Variants in PLPPR5 observed in about 807,000 individuals in gnomAD.
PLPPR5 encodes phospholipid phosphatase-related protein type 5.
PLPPR5 carries 16 observed loss-of-function variants against 33.9 expected under a neutral mutation model. That is an observed-to-expected ratio of 0.47 (90% CI 0.32 to 0.72). PLPPR5 has a LOEUF of 0.72. Among genes scored for constraint, PLPPR5 ranks in the 30% least tolerant of loss-of-function variants. The probability of loss-of-function intolerance (pLI) is 0.03; values close to 1 mark genes in which losing one functional copy is unlikely to be tolerated. For missense variants in PLPPR5, 301 were observed against 406.7 expected (o/e 0.74, Z 2.23); for synonymous variants, 163 against 150.3 (o/e 1.08, Z -0.62).
chr1:98,988,034 A>C (rs1652318682), intron 1 of PLPPR5, among the ~76,000 whole-genome samples: 1 of 152,076 alleles, frequency 6.6e-6, no homozygotes, highest in Non-Finnish European at 1.5e-5. Flanking sequence ...AAGTGCAGTA[A>C]GAGTATGTTC....
In PLPPR5 at chr1:99,004,569, T is replaced by C; in HGVS notation, c.103A>G (p.Thr35Ala). The change falls in exon 1 of 6, where the codon ACG (threonine) becomes GCG (alanine). Residue 35 changes from threonine (T) to alanine (A), a missense_variant. Coordinates refer to ENST00000263177, the MANE Select transcript of PLPPR5 (RefSeq NM_001037317.2). ...AAGCCCTGCACGTTCACGGTGAACG[T>C]GTCCGTATACTCGAAGTAGTACGCC... is the stretch of plus-strand genomic sequence containing the variant. The part of the protein sequence containing the change: ...MLAYYFEYTD[T>A]FTVNVQGFFC... 2 of 1,612,930 alleles carry C rather than the reference T, an allele frequency of 1.2e-6. No individual in the cohort carries two copies. Among genetic ancestry groups the C allele is most frequent in the South Asian group, 1.1e-5 (1 of 91,078 alleles).
intron 1 of PLPPR5, among the ~76,000 whole-genome samples, chr1:98,970,347 C>T (rs1477565451): frequency 1.3e-5 from 2 of 151,962 alleles, no homozygotes; most frequent in Non-Finnish European, 2.9e-5. Flanking sequence ...TTACTGCTCA[C>T]ATGTACTAGG....
At chr1:98,916,368 G>A (rs1206525101) in intron 4 of PLPPR5, among the ~76,000 whole-genome samples, 1 of 152,116 alleles carries the variant, frequency 6.6e-6, no homozygotes, top group Non-Finnish European at 1.5e-5. Context: ...GGACAGTAAG[G>A]GCTTGGAGAT....
At chr1:98,946,264 A>G (rs1650546723) in intron 3 of PLPPR5, among the ~76,000 whole-genome samples, 1 of 152,178 alleles carries the variant, frequency 6.6e-6, no homozygotes, top group South Asian at 2.1e-4. Flanking sequence ...TTATAACAGT[A>G]TGTAGAGACT....
rs150374604 is a variant in PLPPR5, at chr1:98,999,086, A to G, written c.237+5349T>C. ...GCTTTTCTTCCTATTCAGACTCCCA[A>G]TTTGTGAGGGTCAGTAGACTAAACT... is the stretch of plus-strand genomic sequence containing the variant. On this transcript the variant is annotated intron_variant, in intron 1 of 5. Transcript: ENST00000263177. Among the ~76,000 whole-genome samples, 17 of 152,268 alleles carry G rather than the reference A, an allele frequency of 1.1e-4. No homozygotes were observed. The East Asian group carries it at 2.3e-3, about 21-fold the overall frequency.
intron 1 of PLPPR5, among the ~76,000 whole-genome samples, chr1:99,003,070 T>TAC (rs1320073559): frequency 1.9e-4 from 23 of 123,198 alleles, no homozygotes; most frequent in African/African-American, 5.9e-4. Context: ...TATATATATA[T>TAC]ATATATATAT....
intron 1 of PLPPR5, among the ~76,000 whole-genome samples, chr1:98,973,212 A>G (rs1173419689): frequency 3.9e-5 from 6 of 152,116 alleles, no homozygotes; most frequent in Non-Finnish European, 8.8e-5. Context: ...TAATCGTTAC[A>G]AAGACCCTGA....
At chr1:98,922,846 G>A (rs879885123) in intron 3 of PLPPR5, among the ~76,000 whole-genome samples, 3 of 152,154 alleles carry the variant, frequency 2.0e-5, no homozygotes, top group East Asian at 1.9e-4. Flanking sequence ...TCAGCTGGGC[G>A]TGGTGGCGGG....
chr1:98,955,605 C>T (rs906286070), intron 2 of PLPPR5, among the ~76,000 whole-genome samples: 8 of 152,030 alleles, frequency 5.3e-5, no homozygotes, highest in Non-Finnish European at 4.4e-5. Context: ...GAAGGCCTTT[C>T]GTCTTCAGAG....
intron 5 of PLPPR5, among the ~76,000 whole-genome samples, chr1:98,903,377 A>G (rs1648773530): frequency 6.6e-6 from 1 of 152,154 alleles, no homozygotes; most frequent in Admixed American, 6.6e-5. Context: ...AATCAACTGA[A>G]TCTTAAATAG....
intron 5 of PLPPR5, among the ~76,000 whole-genome samples, chr1:98,911,989 G>A (rs180782467): frequency 3.2e-4 from 48 of 152,166 alleles, no homozygotes; most frequent in African/African-American, 8.7e-4. Flanking sequence ...GGGTGGTCTC[G>A]AAATCCTGAC....
intron 4 of PLPPR5, among the ~76,000 whole-genome samples, chr1:98,916,865 G>C (rs1649374322): frequency 6.6e-6 from 1 of 152,164 alleles, no homozygotes; most frequent in African/African-American, 2.4e-5. Flanking sequence ...CAGAGGTCTT[G>C]TTTGTAAAAA....
At chr1:98,933,019 T>G (rs937301643) in intron 3 of PLPPR5, among the ~76,000 whole-genome samples, 2 of 152,106 alleles carry the variant, frequency 1.3e-5, no homozygotes, top group Admixed American at 6.6e-5. Context: ...ACCTCCAGTG[T>G]GGTCCGGGCT....
intron 1 of PLPPR5, among the ~76,000 whole-genome samples, chr1:98,964,307 G>T (rs371775298): frequency 8.4e-4 from 128 of 152,270 alleles, no homozygotes; most frequent in African/African-American, 2.8e-3. Context: ...AGAAGCAGCA[G>T]GGCCCCTCCT....
intron 3 of PLPPR5, among the ~76,000 whole-genome samples, chr1:98,928,643 A>C (rs1303541048): frequency 6.8e-6 from 1 of 147,222 alleles, no homozygotes; most frequent in Non-Finnish European, 1.5e-5. Flanking sequence ...GGTACGCAAA[A>C]TGATCAGTGA....
At chr1:98,930,606 TA>T (rs1649928521) in intron 3 of PLPPR5, among the ~76,000 whole-genome samples, 1 of 152,216 alleles carries the variant, frequency 6.6e-6, no homozygotes, top group African/African-American at 2.4e-5. Flanking sequence ...CAAAATACTT[TA>T]TCAGCTCCAC....
At chr1:98,955,082 C>T (rs1340576635) in intron 2 of PLPPR5, among the ~76,000 whole-genome samples, 3 of 151,930 alleles carry the variant, frequency 2.0e-5, no homozygotes, top group African/African-American at 7.2e-5. Context: ...AAGTGCTTAC[C>T]TAAAGTAAGC....
At chr1:98,948,664 C>T (rs555995334) in intron 3 of PLPPR5, among the ~76,000 whole-genome samples, 123 of 152,230 alleles carry the variant, frequency 8.1e-4, no homozygotes, top group African/African-American at 2.3e-3. Context: ...TATTGGAAGG[C>T]GGCTCTGAGA....
chr1:98,935,050 T>C (rs1570711946), intron 3 of PLPPR5, among the ~76,000 whole-genome samples: 1 of 152,180 alleles, frequency 6.6e-6, no homozygotes, highest in African/African-American at 2.4e-5. Flanking sequence ...CTGGAGCCTC[T>C]ATGGAGTTGG....
Sources: gnomAD v4.1 joint callset for allele counts (sites outside exome capture counted in the v4.1 genomes callset) on GRCh38, gnomAD v4.1.1 for gene constraint, MANE v1.5 for transcripts, NCBI Gene and HGNC (gene_info 2026-07-23, HGNC 2026-07-21) for gene names.